The following BCR variants were observed in gnomAD, a reference collection of about 807,000 sequenced individuals.
The protein encoded by BCR is BCR activator of RhoGEF and GTPase, also known as breakpoint cluster region protein.
In BCR, 58 loss-of-function variants were observed where a neutral mutation model predicts 138.6. The ratio of observed to expected loss-of-function variants is 0.42; its 90% CI spans 0.34 to 0.52. BCR has a LOEUF of 0.52. Among genes scored for constraint, BCR ranks in the 20% least tolerant of loss-of-function variants. The probability of loss-of-function intolerance (pLI) is 0.06; values close to 1 mark genes in which losing one functional copy is unlikely to be tolerated. For synonymous variants in BCR, 786 were observed against 730.1 expected (o/e 1.08, Z -1.23); for missense variants, 1,599 against 1,727.2 (o/e 0.93, Z 1.32).
chr22:23,218,975 C>T (rs756778749), intron 1 of BCR, among the ~76,000 whole-genome samples: 6 of 151,770 alleles, frequency 4.0e-5, no homozygotes, highest in Non-Finnish European at 8.8e-5. Context: ...CAGCTGGTGC[C>T]GGGTGAGGAG....
chr22:23,231,909 C>T (rs375732022), intron 1 of BCR, among the ~76,000 whole-genome samples: 1 of 152,186 alleles, frequency 6.6e-6, no homozygotes, highest in South Asian at 2.1e-4. Flanking sequence ...GGCCCTGCTC[C>T]ACTCCTTGGT....
chr22:23,251,202 G>A (rs191454279), intron 1 of BCR: 3 of 152,362 alleles, frequency 2.0e-5, no homozygotes, highest in Admixed American at 6.5e-5. Context: ...GGACTTTGCA[G>A]CCAGTAGTTG....
rs1307353327 is a variant in BCR at position 23,297,207 on chromosome 22, G to GTTTTTTTTTTTTTTT, written c.3012+2058_3012+2059insTTTTTTTTTTTTTTT. On this transcript the variant is annotated intron_variant, in intron 16 of 22. Transcript: ENST00000305877. The stretch of plus-strand genomic sequence containing the variant: ...GTGCCCCACCATGCCTGGCTAAGTT[G>GTTTTTTTTTTTTTTT]TTTTTTGTTTTTTGTTTTTTTTTTT... Among the ~76,000 whole-genome samples, 4 of 97,396 alleles carry GTTTTTTTTTTTTTTT rather than the reference G, an allele frequency of 4.1e-5. 1 individual carries two copies. The Admixed American group carries it at 4.4e-4, about 11-fold the overall frequency. 63.9% of individuals were successfully genotyped at this position (97,396 alleles called of 152,430 possible). A position where few individuals can be genotyped will look rare whatever the true frequency, so the allele number is the denominator to read the frequency against.
intron 1 of BCR, among the ~76,000 whole-genome samples, chr22:23,205,271 C>T (rs760917979): frequency 2.6e-5 from 4 of 152,214 alleles, no homozygotes; most frequent in African/African-American, 9.7e-5. Flanking sequence ...CGGCACTGAA[C>T]GTTGTCACTC....
chr22:23,185,649 G>C (rs1003985892), intron 1 of BCR, among the ~76,000 whole-genome samples: 4 of 150,952 alleles, frequency 2.6e-5, no homozygotes, highest in Non-Finnish European at 5.9e-5. Flanking sequence ...CTGGGCGACA[G>C]AGCGAGACAC....
chr22:23,303,988 A>G (rs1218467323), intron 16 of BCR, among the ~76,000 whole-genome samples: 1 of 138,598 alleles, frequency 7.2e-6, no homozygotes, highest in East Asian at 2.1e-4. Flanking sequence ...AGGTTGGAGT[A>G]CAGTGGTGCA....
chr22:23,213,271 A>G (rs1384634458), intron 1 of BCR, among the ~76,000 whole-genome samples: 1 of 152,150 alleles, frequency 6.6e-6, no homozygotes, highest in African/African-American at 2.4e-5. Flanking sequence ...CAGGGTAGGC[A>G]CTGGCCAGGC....
At chr22:23,293,082 T>C (rs1469726610) in intron 15 of BCR, among the ~76,000 whole-genome samples, 1 of 151,974 alleles carries the variant, frequency 6.6e-6, no homozygotes, top group Non-Finnish European at 1.5e-5. Context: ...TGGGTTTGTA[T>C]TGTGTGTCGC....
intron 1 of BCR, among the ~76,000 whole-genome samples, chr22:23,214,742 T>C (rs1334400954): frequency 6.6e-6 from 1 of 152,242 alleles, no homozygotes; most frequent in Non-Finnish European, 1.5e-5. Flanking sequence ...GAGCGTGCAT[T>C]GTCCAAACCT....
intron 1 of BCR, among the ~76,000 whole-genome samples, chr22:23,189,653 A>C (rs774263801): frequency 1.3e-5 from 2 of 152,068 alleles, no homozygotes; most frequent in Non-Finnish European, 2.9e-5. Flanking sequence ...GGCGCCTGCC[A>C]TCACACCCGG....
chr22:23,195,915 A>C (rs913682979), intron 1 of BCR, among the ~76,000 whole-genome samples: 3 of 152,166 alleles, frequency 2.0e-5, no homozygotes, highest in East Asian at 1.9e-4. Context: ...TAAATAAATA[A>C]ATACCACTGC....
At chr22:23,280,887 AC>A (rs1422802179) in intron 8 of BCR, among the ~76,000 whole-genome samples, 2 of 152,294 alleles carry the variant, frequency 1.3e-5, no homozygotes, top group Admixed American at 6.5e-5. Context: ...ACACACAGGG[AC>A]CCATGCCCAC....
chr22:23,252,837 G>T (rs1008889801), intron 1 of BCR, among the ~76,000 whole-genome samples: 1 of 152,134 alleles, frequency 6.6e-6, no homozygotes, highest in Non-Finnish European at 1.5e-5. Flanking sequence ...AAATGTAGGG[G>T]TTTTTCCCAC....
intron 8 of BCR, among the ~76,000 whole-genome samples, chr22:23,281,319 G>A (rs932283613): frequency 6.6e-6 from 1 of 152,240 alleles, no homozygotes; most frequent in Non-Finnish European, 1.5e-5. Context: ...TTCCAGCCAC[G>A]TGGCCTTATG....
In BCR at chr22:23,315,873, A is replaced by C; in HGVS notation, c.*351A>C. On this transcript the variant is annotated 3_prime_UTR_variant, in exon 23 of 23. Transcript: ENST00000305877. ...AAGATTTCTACTGGATCACTTGTCA[A>C]GATGCGCCCTCTCTGGGGAGAAGGG... is the stretch of plus-strand genomic sequence containing the variant. 1 of 434,584 alleles carries C rather than the reference A, an allele frequency of 2.3e-6. No individual in the cohort carries two copies. The highest frequency in any genetic ancestry group is 4.1e-5 in the East Asian group (1 of 24,434). 26.9% of individuals were successfully genotyped at this position (434,584 alleles called of 1,614,324 possible). A position where few individuals can be genotyped will look rare whatever the true frequency, so the allele number is the denominator to read the frequency against.
At chr22:23,308,292 G>A (rs2073970338) in intron 16 of BCR, among the ~76,000 whole-genome samples, 1 of 152,122 alleles carries the variant, frequency 6.6e-6, no homozygotes, top group South Asian at 2.1e-4. Flanking sequence ...GGAACCCAGG[G>A]AGGTGTTTTT....
At chr22:23,239,942 C>G (rs1328473734) in intron 1 of BCR, among the ~76,000 whole-genome samples, 1 of 152,118 alleles carries the variant, frequency 6.6e-6, no homozygotes, top group East Asian at 1.9e-4. Context: ...CCTCAGCCTC[C>G]CAAGTAGCTG....
chr22:23,186,291 A>T (rs760341799), intron 1 of BCR, among the ~76,000 whole-genome samples: 5 of 152,246 alleles, frequency 3.3e-5, no homozygotes, highest in Non-Finnish European at 5.9e-5. Flanking sequence ...AAATATGCTT[A>T]ACTTAAAATT....
chr22:23,287,365 T>C (rs5759681), intron 11 of BCR, 87 bp downstream of exon 11: 418,376 of 1,446,394 alleles, frequency 0.29, 64,130 homozygotes, highest in African/African-American at 0.5. Flanking sequence ...TTCACTTGGA[T>C]GCGCCCCACT....
Sources: gnomAD v4.1 joint callset for allele counts (sites outside exome capture counted in the v4.1 genomes callset) on GRCh38, gnomAD v4.1.1 for gene constraint, MANE v1.5 for transcripts, NCBI Gene and HGNC (gene_info 2026-07-23, HGNC 2026-07-21) for gene names.